FAT3: variants seen among roughly 807,000 people sequenced by gnomAD.
FAT3 encodes FAT atypical cadherin 3.
In FAT3, 95 loss-of-function variants were observed where a neutral mutation model predicts 310.2. The observed-to-expected ratio is 0.31, with a 90% CI of 0.26 to 0.36. The LOEUF is 0.36. FAT3 is among the 10% of genes least tolerant of loss of function. The pLI is 1.00. For missense variants in FAT3, 5,408 were observed against 5,715.6 expected (o/e 0.95, Z 1.74); for synonymous variants, 2,314 against 2,192.9 (o/e 1.06, Z -1.54).
chr11:92,871,504 T>A (rs1053270001), intron 22 of FAT3, among the ~76,000 whole-genome samples: 1 of 152,240 alleles, frequency 6.6e-6, no homozygotes, highest in Admixed American at 6.5e-5. Context: ...GGGGAAACTT[T>A]GACTCTTTTT....
intron 1 of FAT3, among the ~76,000 whole-genome samples, chr11:92,252,250 G>C (rs570531578): frequency 9.2e-5 from 14 of 152,124 alleles, no homozygotes; most frequent in Admixed American, 3.9e-4. Context: ...TAGCAACTTT[G>C]CCTAACACTA....
chr11:92,558,914 C>T (rs1955118278), intron 3 of FAT3, among the ~76,000 whole-genome samples: 1 of 152,088 alleles, frequency 6.6e-6, no homozygotes. Flanking sequence ...AACACTGAGC[C>T]AGAATGATTT....
chr11:92,738,427 G>A (rs1284786639), intron 4 of FAT3, among the ~76,000 whole-genome samples: 1 of 152,088 alleles, frequency 6.6e-6, no homozygotes, highest in South Asian at 2.1e-4. Flanking sequence ...GCTTTGTCTC[G>A]CTTCCGCATC....
intron 3 of FAT3, among the ~76,000 whole-genome samples, chr11:92,670,376 A>G (rs1294443989): frequency 1.3e-5 from 2 of 152,224 alleles, no homozygotes; most frequent in Admixed American, 6.5e-5. Flanking sequence ...GCCTATCCCT[A>G]TCCAATTATA....
At chr11:92,561,290 T>TG (rs1565412887) in intron 3 of FAT3, among the ~76,000 whole-genome samples, 3 of 150,756 alleles carry the variant, frequency 2.0e-5, no homozygotes, top group Non-Finnish European at 3.0e-5. Flanking sequence ...TGTGTGTGTG[T>TG]TTACCCAAAA....
intron 9 of FAT3, 41 bp downstream of exon 9, chr11:92,793,018 G>A (rs1014756844): frequency 7.0e-6 from 11 of 1,579,796 alleles, no homozygotes; most frequent in Middle Eastern, 1.7e-4. Flanking sequence ...CATAATGCAA[G>A]GCATTCGACC....
intron 2 of FAT3, among the ~76,000 whole-genome samples, chr11:92,442,107 ATATATTT>A (rs1951085292): frequency 1.5e-3 from 76 of 49,842 alleles, no homozygotes; most frequent in African/African-American, 9.2e-3. Context: ...ATATATATAT[ATATATTT>A]TTTTTTTTTT....
At chr11:92,256,466 A>C (rs1216854014) in intron 1 of FAT3, among the ~76,000 whole-genome samples, 1 of 152,024 alleles carries the variant, frequency 6.6e-6, no homozygotes, top group African/African-American at 2.4e-5. Flanking sequence ...ACTGTGGGTC[A>C]TAAGATAAAA....
In FAT3 at chr11:92,654,953, C is replaced by T. The variant is rs531817097; in HGVS notation, c.3608-42431C>T. On this transcript the variant is annotated intron_variant, in intron 3 of 27. Transcript: ENST00000525166. ...TTCTTGTAGCAGCTTCCATGGCCTG[C>T]TTTCATTCCCTCCTGTAAGTTCCTA... 2.7e-5 allele frequency among the ~76,000 whole-genome samples: 4 copies of T among 148,570 alleles called. No homozygotes were observed. The South Asian group carries it at 8.4e-4, about 31-fold the overall frequency.
chr11:92,569,928 A>G (rs188474516), intron 3 of FAT3, among the ~76,000 whole-genome samples: 39 of 152,084 alleles, frequency 2.6e-4, no homozygotes, highest in Admixed American at 2.4e-3. Flanking sequence ...ACTTCATCTC[A>G]CCACAGGCCT....
intron 1 of FAT3, among the ~76,000 whole-genome samples, chr11:92,251,847 C>G (rs1865155180): frequency 6.6e-6 from 1 of 152,092 alleles, no homozygotes; most frequent in Non-Finnish European, 1.5e-5. Context: ...AATGAGTAAG[C>G]AAGATCTTAT....
chr11:92,272,795 G>A (rs1353381041), intron 1 of FAT3, among the ~76,000 whole-genome samples: 5 of 152,078 alleles, frequency 3.3e-5, no homozygotes, highest in Admixed American at 2.0e-4. Flanking sequence ...GGCCTGTTAA[G>A]GGAAGTATTG....
intron 2 of FAT3, among the ~76,000 whole-genome samples, chr11:92,477,485 T>C (rs1253196747): frequency 1.3e-5 from 2 of 152,252 alleles, no homozygotes; most frequent in Non-Finnish European, 2.9e-5. Context: ...CTTGTTCTTA[T>C]AGGCATGTCT....
intron 2 of FAT3, among the ~76,000 whole-genome samples, chr11:92,483,500 A>C (rs1952292442): frequency 6.6e-6 from 1 of 152,002 alleles, no homozygotes; most frequent in South Asian, 2.1e-4. Context: ...ATTTCTAAGC[A>C]AAGCTGTTTT....
At chr11:92,681,543 A>G (rs1472621266) in intron 3 of FAT3, among the ~76,000 whole-genome samples, 1 of 152,192 alleles carries the variant, frequency 6.6e-6, no homozygotes, top group East Asian at 1.9e-4. Context: ...ATTTAGTAGA[A>G]TGTATTTGAG....
intron 3 of FAT3, among the ~76,000 whole-genome samples, chr11:92,667,850 T>C (rs985122124): frequency 2.0e-5 from 3 of 152,348 alleles, no homozygotes; most frequent in South Asian, 2.1e-4. Flanking sequence ...TTTCTTTTTT[T>C]CTACTGCCCA....
chr11:92,830,341 G>A (rs7924818), intron 13 of FAT3, among the ~76,000 whole-genome samples: 130,342 of 152,198 alleles, frequency 0.86, 55,945 homozygotes, highest in East Asian at 0.94. Flanking sequence ...TTCCTAGTTT[G>A]TATGTTTTAG....
intron 4 of FAT3, among the ~76,000 whole-genome samples, chr11:92,707,174 A>G (rs1282279462): frequency 6.6e-6 from 1 of 152,228 alleles, no homozygotes; most frequent in Non-Finnish European, 1.5e-5. Context: ...TTAAACCTGA[A>G]CACTAATTAG....
At chr11:92,474,973 T>A (rs572780503) in intron 2 of FAT3, among the ~76,000 whole-genome samples, 11 of 152,380 alleles carry the variant, frequency 7.2e-5, no homozygotes, top group Non-Finnish European at 1.6e-4. Flanking sequence ...GATCTGCACC[T>A]GGCAGGCCTC....
Sources: allele counts gnomAD v4.1 joint callset (sites outside exome capture counted in the v4.1 genomes callset), GRCh38; gene constraint gnomAD v4.1.1; transcripts MANE v1.5; gene names NCBI Gene and HGNC (gene_info 2026-07-23, HGNC 2026-07-21).